Variants in RBMS3 observed in about 807,000 individuals in gnomAD.
RBMS3 encodes the protein RNA binding motif single stranded interacting protein 3, also known as RNA-binding motif, single-stranded-interacting protein 3.
RBMS3 carries 27 observed loss-of-function variants against 66.8 expected under a neutral mutation model. The ratio of observed to expected loss-of-function variants is 0.40; its 90% CI spans 0.30 to 0.56. RBMS3 has a LOEUF of 0.56. Ranked by LOEUF, RBMS3 falls within the 20% of genes least tolerant of loss-of-function variation. RBMS3 has a pLI of 0.40. For missense variants in RBMS3, 513 were observed against 549.5 expected, an observed-to-expected ratio of 0.93 and a Z score of 0.66; for synonymous variants, 188 against 183.0, an observed-to-expected ratio of 1.03 and a Z score of -0.22.
Position 30,009,943 on chromosome 3 carries a change from GAT to G in RBMS3, c.*6084_*6085del, listed in dbSNP as rs1699915281. On this transcript the variant is annotated 3_prime_UTR_variant, in exon 15 of 15. Transcript: ENST00000383767. ...GGAACTGTAAAAATTATTTCAAAAA[GAT>G]ATTTGAAAAAGTTTTCTCTATTCTG... The G allele has an allele frequency of 6.6e-6, 1 of 151,478 alleles. No homozygotes were observed. The highest frequency in any genetic ancestry group is 1.5e-5 in the Non-Finnish European group (1 of 67,934). The allele number at this position is 151,478 out of a possible 1,614,324, so 9.4% of individuals were successfully genotyped here. A position where few individuals can be genotyped will look rare whatever the true frequency, so the allele number is the denominator to read the frequency against.
At chr3:29,485,716 T>A (rs2043295520) in intron 2 of RBMS3, among the ~76,000 whole-genome samples, 1 of 152,206 alleles carries the variant, frequency 6.6e-6, no homozygotes, top group Admixed American at 6.5e-5. Flanking sequence ...AATGAAAGGA[T>A]AGATAAGTGA....
chr3:29,433,587 TC>T (rs2041289195), intron 1 of RBMS3, among the ~76,000 whole-genome samples: 1 of 152,184 alleles, frequency 6.6e-6, no homozygotes, highest in Admixed American at 6.5e-5. Context: ...CGTTATTATC[TC>T]CTTCGTATTA....
chr3:29,444,266 G>T (rs974813819), intron 2 of RBMS3, among the ~76,000 whole-genome samples: 2 of 152,012 alleles, frequency 1.3e-5, no homozygotes, highest in African/African-American at 4.8e-5. Flanking sequence ...TAGATGTCAT[G>T]CCAATTCCCA....
chr3:29,755,381 A>AT (rs748415272), intron 5 of RBMS3, among the ~76,000 whole-genome samples: 57 of 152,206 alleles, frequency 3.7e-4, no homozygotes, highest in Non-Finnish European at 7.1e-4. Flanking sequence ...CTTTGGGATA[A>AT]TTTTTTTACT....
intron 4 of RBMS3, among the ~76,000 whole-genome samples, chr3:29,631,166 CAATA>C (rs896396970): frequency 1.1e-4 from 16 of 151,872 alleles, no homozygotes; most frequent in African/African-American, 3.6e-4. Flanking sequence ...ACTGTAAAGA[CAATA>C]AATAATACAA....
intron 1 of RBMS3, among the ~76,000 whole-genome samples, chr3:29,380,139 AT>A (rs1192799889): frequency 6.6e-6 from 1 of 152,068 alleles, no homozygotes; most frequent in Non-Finnish European, 1.5e-5. Context: ...GTACTCTATT[AT>A]TCAAGGTCTT....
At chr3:29,435,878 G>A (rs1413069850) in intron 2 of RBMS3, among the ~76,000 whole-genome samples, 2 of 140,222 alleles carry the variant, frequency 1.4e-5, no homozygotes, top group Non-Finnish European at 3.1e-5. Context: ...AGGAGGCTGA[G>A]GCAGGAGAAT....
At chr3:29,546,689 T>G (rs2149023701) in intron 3 of RBMS3, among the ~76,000 whole-genome samples, 1 of 152,326 alleles carries the variant, frequency 6.6e-6, no homozygotes, top group African/African-American at 2.4e-5. Flanking sequence ...AGTGTAAGTT[T>G]TGCTAGTCTA....
intron 4 of RBMS3, among the ~76,000 whole-genome samples, chr3:29,667,076 T>C (rs1225480963): frequency 2.0e-5 from 3 of 152,198 alleles, no homozygotes; most frequent in Non-Finnish European, 4.4e-5. Flanking sequence ...CCAAATTGTT[T>C]CCCTGCTGCA....
At chr3:29,929,929 C>T (rs1003545216) in intron 10 of RBMS3, among the ~76,000 whole-genome samples, 2 of 151,554 alleles carry the variant, frequency 1.3e-5, no homozygotes, top group Admixed American at 1.3e-4. Flanking sequence ...AGTTAGCACT[C>T]AAAAATAATG....
chr3:29,560,645 A>G (rs2046516965), intron 3 of RBMS3, among the ~76,000 whole-genome samples: 1 of 152,270 alleles, frequency 6.6e-6, no homozygotes, highest in South Asian at 2.1e-4. Context: ...CAATGGAATT[A>G]AAGAATGTTG....
At chr3:29,510,632 A>G (rs2044360329) in intron 3 of RBMS3, among the ~76,000 whole-genome samples, 1 of 152,086 alleles carries the variant, frequency 6.6e-6, no homozygotes, top group East Asian at 1.9e-4. Flanking sequence ...AAAACTCAAA[A>G]CCCAAAATGC....
intron 4 of RBMS3, among the ~76,000 whole-genome samples, chr3:29,690,275 T>A (rs2051921331): frequency 1.3e-5 from 2 of 151,436 alleles, no homozygotes; most frequent in South Asian, 2.1e-4. Context: ...CATGGTGAGA[T>A]CTTGTGTCTA....
At chr3:29,528,109 T>G (rs1015180711) in intron 3 of RBMS3, among the ~76,000 whole-genome samples, 5 of 29,944 alleles carry the variant, frequency 1.7e-4, no homozygotes, top group Admixed American at 5.0e-4. Flanking sequence ...GCAAGCAAGA[T>G]TTTTTTTTTT....
At chr3:29,590,449 A>C (rs963098033) in intron 4 of RBMS3, among the ~76,000 whole-genome samples, 1 of 152,162 alleles carries the variant, frequency 6.6e-6, no homozygotes, top group African/African-American at 2.4e-5. Flanking sequence ...CATGTTTTAA[A>C]TGTGTTATTC....
At chr3:29,946,415 T>A (rs1032959912) in intron 12 of RBMS3, among the ~76,000 whole-genome samples, 5 of 151,650 alleles carry the variant, frequency 3.3e-5, no homozygotes, top group African/African-American at 1.2e-4. Context: ...TACAGATACA[T>A]AACTTAATTT....
At chr3:29,588,693 T>C (rs1415406600) in intron 4 of RBMS3, among the ~76,000 whole-genome samples, 1 of 152,040 alleles carries the variant, frequency 6.6e-6, no homozygotes, top group African/African-American at 2.4e-5. Context: ...CCTAGAAGCT[T>C]TGGATTTTTT....
intron 3 of RBMS3, among the ~76,000 whole-genome samples, chr3:29,543,943 A>G (rs258950): frequency 0.67 from 102,333 of 151,912 alleles, 35,393 homozygotes; most frequent in African/African-American, 0.84. Context: ...TAAAAGTATT[A>G]GAAGGAGATT....
chr3:29,525,140 G>A (rs544875781), intron 3 of RBMS3, among the ~76,000 whole-genome samples: 2 of 151,998 alleles, frequency 1.3e-5, no homozygotes, highest in Non-Finnish European at 2.9e-5. Flanking sequence ...CTTTAGTGAG[G>A]AAAAACATTA....
Sources: gnomAD v4.1 joint callset for allele counts (sites outside exome capture counted in the v4.1 genomes callset) on GRCh38, gnomAD v4.1.1 for gene constraint, MANE v1.5 for transcripts, NCBI Gene and HGNC (gene_info 2026-07-23, HGNC 2026-07-21) for gene names.